MARCHF1: variants seen among roughly 807,000 people sequenced by gnomAD.
MARCHF1 encodes membrane associated ring-CH-type finger 1.
A neutral mutation model predicts 54.2 loss-of-function variants in MARCHF1; 40 were observed. The ratio of observed to expected loss-of-function variants is 0.74; its 90% confidence interval spans 0.57 to 0.96. MARCHF1 has a LOEUF of 0.96. MARCHF1 is among the 40% of genes least tolerant of loss of function. The pLI is 0.00. For synonymous variants in MARCHF1, 236 were observed against 236.3 expected (o/e 1.00, Z 0.01); for missense variants, 586 against 656.5 (o/e 0.89, Z 1.17).
chr4:163,557,657 G>A (rs778276282), intron 8 of MARCHF1, among the ~76,000 whole-genome samples: 7 of 152,134 alleles, frequency 4.6e-5, no homozygotes, highest in South Asian at 2.1e-4. Context: ...ATAGCCTGTC[G>A]TTTTTCTTTC....
In MARCHF1 at chr4:163,991,457, G is replaced by T. The variant is rs6536770; in HGVS notation, c.-247-2748C>A. Among the ~76,000 whole-genome samples, 531 of 152,242 alleles carry T rather than the reference G, an allele frequency of 3.5e-3. 6 individuals carry two copies. Among genetic ancestry groups the T allele is most frequent in the African/African-American group, 0.012 (486 of 41,528 alleles). On this transcript the variant is annotated intron_variant, in intron 2 of 9. Transcript: ENST00000514618. Reference sequence around the variant, plus strand: ...AGCTTCCATAGTGCTCTGCCAACTAGAAACAATCAGAAGTCTCTGGGGTGA... The same window carrying T: ...AGCTTCCATAGTGCTCTGCCAACTATAAACAATCAGAAGTCTCTGGGGTGA...
intron 1 of MARCHF1, among the ~76,000 whole-genome samples, chr4:164,340,368 GTAGCTGAGACTACAGCA>G (rs1729878295): frequency 7.3e-6 from 1 of 136,124 alleles, no homozygotes; most frequent in Non-Finnish European, 1.6e-5. Context: ...AGCCCCCCGA[GTAGCTGAGACTACAGCA>G]CATGCCACCA....
chr4:163,818,111 T>TA (rs976978089), intron 4 of MARCHF1, among the ~76,000 whole-genome samples: 3 of 151,526 alleles, frequency 2.0e-5, no homozygotes, highest in African/African-American at 4.9e-5. Context: ...TAAAGTATAA[T>TA]AAAAAAAAGA....
At chr4:163,993,505 T>C (rs1253187863) in intron 2 of MARCHF1, among the ~76,000 whole-genome samples, 1 of 152,162 alleles carries the variant, frequency 6.6e-6, no homozygotes, top group Non-Finnish European at 1.5e-5. Flanking sequence ...TTTTTCCTAA[T>C]TTTGGCCACA....
chr4:164,158,858 G>A (rs143761303), intron 1 of MARCHF1, among the ~76,000 whole-genome samples: 28 of 152,032 alleles, frequency 1.8e-4, no homozygotes, highest in Admixed American at 5.2e-4. Flanking sequence ...TCTTCAAGGC[G>A]CAGTTTAAAT....
chr4:164,255,010 G>A (rs1297136836), intron 1 of MARCHF1, among the ~76,000 whole-genome samples: 1 of 152,150 alleles, frequency 6.6e-6, no homozygotes, highest in Non-Finnish European at 1.5e-5. Context: ...CTCCCAAAGT[G>A]GTGGGATTAC....
intron 1 of MARCHF1, among the ~76,000 whole-genome samples, chr4:164,283,468 G>T (rs1372118459): frequency 6.6e-6 from 1 of 150,548 alleles, no homozygotes; most frequent in Non-Finnish European, 1.5e-5. Context: ...TGGAAAAACT[G>T]AAAAAAAGAC....
chr4:163,666,621 A>G (rs577448052), intron 5 of MARCHF1, among the ~76,000 whole-genome samples: 1 of 152,248 alleles, frequency 6.6e-6, no homozygotes, highest in Non-Finnish European at 1.5e-5. Context: ...AATGGATAGA[A>G]CATTTATCAT....
chr4:164,317,665 AG>A (rs1180940072), intron 1 of MARCHF1, among the ~76,000 whole-genome samples: 3 of 152,202 alleles, frequency 2.0e-5, no homozygotes, highest in Non-Finnish European at 2.9e-5. Context: ...CTCTTACTCA[AG>A]AAAACGGAGT....
intron 1 of MARCHF1, among the ~76,000 whole-genome samples, chr4:164,341,279 C>CAA (rs34271550): frequency 1.1e-3 from 160 of 146,404 alleles, no homozygotes; most frequent in East Asian, 1.4e-3. Flanking sequence ...AAAGCAAAAA[C>CAA]AAAAAAAAAA....
At chr4:163,690,910 A>G (rs1744425778) in intron 5 of MARCHF1, among the ~76,000 whole-genome samples, 1 of 152,230 alleles carries the variant, frequency 6.6e-6, no homozygotes, top group South Asian at 2.1e-4. Flanking sequence ...TCTGGGAACC[A>G]GAAGTTATAA....
chr4:164,107,183 C>T (rs558260453), intron 2 of MARCHF1, among the ~76,000 whole-genome samples: 1 of 152,148 alleles, frequency 6.6e-6, no homozygotes, highest in African/African-American at 2.4e-5. Flanking sequence ...TAATTTTGTA[C>T]TTCCCTAGTT....
chr4:164,352,638 T>C (rs1479405669), intron 1 of MARCHF1, among the ~76,000 whole-genome samples: 5 of 150,496 alleles, frequency 3.3e-5, no homozygotes, highest in African/African-American at 1.2e-4. Context: ...GAACAACCGG[T>C]ACCAGCCGCT....
chr4:163,923,629 AATCT>A (rs1267423313), intron 3 of MARCHF1, among the ~76,000 whole-genome samples: 1 of 152,080 alleles, frequency 6.6e-6, no homozygotes. Context: ...CAGGAAAGTA[AATCT>A]ATCTAATATA....
intron 1 of MARCHF1, among the ~76,000 whole-genome samples, chr4:164,298,418 C>G (rs181977533): frequency 1.3e-5 from 2 of 151,878 alleles, no homozygotes; most frequent in African/African-American, 4.8e-5. Context: ...GTAACGGGTA[C>G]CTTCTACAAA....
At chr4:163,619,779 AGACCCATCAAAGT>A (rs776729905) in intron 5 of MARCHF1, among the ~76,000 whole-genome samples, 3 of 152,140 alleles carry the variant, frequency 2.0e-5, no homozygotes, top group Non-Finnish European at 4.4e-5. Context: ...GCAAAAAAAA[AGACCCATCAAAGT>A]ATGAGAAAAA....
chr4:163,968,548 A>G (rs2110831920), intron 3 of MARCHF1, among the ~76,000 whole-genome samples: 1 of 152,284 alleles, frequency 6.6e-6, no homozygotes, highest in South Asian at 2.1e-4. Flanking sequence ...GCATACAAAG[A>G]GCATTAATCA....
At chr4:163,852,092 A>G (rs184542497) in intron 4 of MARCHF1, among the ~76,000 whole-genome samples, 20 of 152,282 alleles carry the variant, frequency 1.3e-4, no homozygotes, top group Admixed American at 3.3e-4. Context: ...TTTATATTAA[A>G]ATTATTTAAA....
chr4:164,119,377 A>C (rs1407096473), intron 1 of MARCHF1, among the ~76,000 whole-genome samples: 4 of 151,556 alleles, frequency 2.6e-5, no homozygotes, highest in Admixed American at 1.3e-4. Flanking sequence ...AAAGAAATAC[A>C]AATAATAAAT....
Sources: allele counts gnomAD v4.1 joint callset (sites outside exome capture counted in the v4.1 genomes callset), GRCh38; gene constraint gnomAD v4.1.1; transcripts MANE v1.5; gene names NCBI Gene and HGNC (gene_info 2026-07-23, HGNC 2026-07-21).